SMC3: variants seen among roughly 807,000 people sequenced by gnomAD.
SMC3 encodes structural maintenance of chromosomes protein 3.
In SMC3, 20 loss-of-function variants were observed where a neutral mutation model predicts 171.8. That is an observed-to-expected ratio of 0.12 (90% CI 0.08 to 0.17). The LOEUF (loss-of-function observed/expected upper bound fraction) is 0.17, where lower values mean the gene tolerates loss of function less well. Among genes scored for constraint, SMC3 ranks in the 10% least tolerant of loss-of-function variants. The pLI, the probability that SMC3 is intolerant of heterozygous loss-of-function variation, is 1.00. For synonymous variants in SMC3, 464 were observed against 451.1 expected (o/e 1.03, Z -0.36); for missense variants, 543 against 1,420.4 (o/e 0.38, Z 9.93).
chr10:110,575,481 A>G, intron 4 of SMC3, 78 bp downstream of exon 4: 1 of 1,049,836 alleles, frequency 9.5e-7, no homozygotes, highest in East Asian at 2.6e-5. Context: ...TTAAAAAAGC[A>G]TTTGTTCAAG....
chr10:110,601,197 A>C (rs1861381572), intron 23 of SMC3, 67 bp downstream of exon 23: 9 of 1,104,586 alleles, frequency 8.1e-6, no homozygotes, highest in Non-Finnish European at 1.1e-5. Flanking sequence ...TACAGAATGA[A>C]ATGTCCAAAT....
chr10:110,592,411 A>G (rs80208509), intron 17 of SMC3, among the ~76,000 whole-genome samples: 4,907 of 152,278 alleles, frequency 0.032, 243 homozygotes, highest in African/African-American at 0.11. Context: ...GGGTGTCAGC[A>G]GTGCTCTGTT....
chr10:110,596,502 G>A lies in SMC3; in HGVS notation c.2068G>A (p.Gly690Ser), dbSNP rs377463176. ...TGTTAGAAAAGCAGAAGAAGAACTA[G>A]GTGAACTTGAAGCAAAGCTCAATGA... Reference protein sequence around the residue: ...KDVRKAEEELGELEAKLNENL... With the variant: ...KDVRKAEEELSELEAKLNENL... The change falls in exon 19 of 29, where the codon GGT becomes AGT. Residue 690 changes from glycine to serine, a missense_variant. By Grantham distance (56) the Gly-to-Ser change is moderately conservative. Around this residue, in one of 8 missense-constraint regions of SMC3, gnomAD observed 218 missense variants for 509.6 expected, o/e 0.43. Coordinates refer to ENST00000361804, the MANE Select transcript of SMC3 (RefSeq NM_005445.4). 3 of 1,613,892 alleles carry A rather than the reference G, an allele frequency of 1.9e-6. No individual in the cohort carries two copies. The highest frequency in any genetic ancestry group is 2.7e-5 in the African/African-American group (2 of 74,880).
At chr10:110,583,603 T>C (rs1303648875) in intron 11 of SMC3, 55 bp downstream of exon 11, 2 of 1,564,866 alleles carry the variant, frequency 1.3e-6, no homozygotes, top group East Asian at 2.3e-5. Flanking sequence ...GTAGCAACTG[T>C]AGAAGACAGC....
intron 23 of SMC3, 108 bp from the exon 24 acceptor site, chr10:110,601,529 A>C: frequency 3.2e-6 from 4 of 1,245,686 alleles, no homozygotes; most frequent in Non-Finnish European, 4.5e-6. Context: ...AATTTTAAAC[A>C]CAAAACCTAA....
chr10:110,594,205 AT>A (rs550767232), intron 18 of SMC3, among the ~76,000 whole-genome samples: 4 of 131,056 alleles, frequency 3.1e-5, no homozygotes, highest in Admixed American at 7.8e-5. Flanking sequence ...TTTTAAATTT[AT>A]TTTTTTTTTA....
intron 15 of SMC3, 42 bp downstream of exon 15, chr10:110,590,033 T>C: frequency 6.5e-7 from 1 of 1,528,144 alleles, no homozygotes; most frequent in South Asian, 1.1e-5. Flanking sequence ...CACTGAGTCA[T>C]TGAGTTAATC....
chr10:110,574,256 A>G (rs1590549763), intron 3 of SMC3, among the ~76,000 whole-genome samples: 1 of 152,242 alleles, frequency 6.6e-6, no homozygotes, highest in Non-Finnish European at 1.5e-5. Context: ...TTGAAACTGA[A>G]CAGACTGTTG....
chr10:110,577,927 C>CT lies in SMC3; in HGVS notation c.350+21dup, dbSNP rs200378516. ...AGAAGATGGTCACGTAAGCATTTTT[C>CT]TTTTTTTTAAAAAAACTGAATATGT... is the stretch of plus-strand genomic sequence containing the variant. On this transcript the variant is annotated intron_variant, in intron 6 of 28. Coordinates refer to ENST00000361804, the MANE Select transcript of SMC3 (RefSeq NM_005445.4). The CT allele has an allele frequency of 5.5e-5, 87 of 1,580,572 alleles. No individual in the cohort carries two copies. The highest frequency in any genetic ancestry group is 3.6e-4 in the African/African-American group (27 of 74,302).
intron 2 of SMC3, among the ~76,000 whole-genome samples, chr10:110,569,374 T>C (rs1412123892): frequency 1.3e-5 from 2 of 152,042 alleles, no homozygotes; most frequent in Admixed American, 1.3e-4. Flanking sequence ...GATGCCAGGA[T>C]TCCCCCCCCA....
chr10:110,588,049 GA>G (rs1324100676), intron 13 of SMC3, among the ~76,000 whole-genome samples: 2 of 152,154 alleles, frequency 1.3e-5, no homozygotes, highest in Non-Finnish European at 2.9e-5. Context: ...GGAGTGCAGT[GA>G]CACAATCTCA....
chr10:110,578,788 GTGGTTAAGCTGA>G (rs1860992328), intron 7 of SMC3, 82 bp downstream of exon 7: 1 of 1,129,200 alleles, frequency 8.9e-7, no homozygotes, highest in East Asian at 2.5e-5. Flanking sequence ...ATTGATTTGA[GTGGTTAAGCTGA>G]AGCAAAAATG....
intron 17 of SMC3, among the ~76,000 whole-genome samples, chr10:110,591,751 T>C (rs1297365299): frequency 6.6e-6 from 1 of 152,180 alleles, no homozygotes; most frequent in Non-Finnish European, 1.5e-5. Context: ...TACCATCCTC[T>C]GAAGTTAAAG....
At position 110,602,806 on chromosome 10, in the gene SMC3, A is replaced by C; in HGVS notation, c.3298-19A>C. 3 of 1,609,250 alleles carry C rather than the reference A, an allele frequency of 1.9e-6. No homozygotes were observed. The highest frequency in any genetic ancestry group is 1.3e-5 in the African/African-American group (1 of 74,940). ...ATTCTGCCCTTTAGGATATTAACTC[A>C]TAATATGTTTATTTTTAGGTGTCAT... is the stretch of plus-strand genomic sequence containing the variant. On this transcript the variant is annotated intron_variant, in intron 26 of 28. Transcript: ENST00000361804.
intron 3 of SMC3, 99 bp downstream of exon 3, chr10:110,573,844 C>A: frequency 1.2e-6 from 1 of 860,836 alleles, no homozygotes; most frequent in Non-Finnish European, 2.0e-6. Context: ...ATTCATGAAA[C>A]CCAAGAAATA....
intron 17 of SMC3, among the ~76,000 whole-genome samples, chr10:110,592,772 G>A (rs1412959925): frequency 6.6e-6 from 1 of 152,160 alleles, no homozygotes. Context: ...TAAGCAACTT[G>A]TCCACAGTAC....
chr10:110,571,574 C>A (rs1483153860), intron 2 of SMC3, among the ~76,000 whole-genome samples: 2 of 152,128 alleles, frequency 1.3e-5, no homozygotes, highest in African/African-American at 4.8e-5. Context: ...GTTATAGCCT[C>A]CTTTCCATGT....
intron 18 of SMC3, among the ~76,000 whole-genome samples, chr10:110,593,923 G>A (rs1246576417): frequency 1.3e-5 from 2 of 152,146 alleles, no homozygotes; most frequent in Non-Finnish European, 2.9e-5. Flanking sequence ...GGGAGGCAGA[G>A]GGTGCAGTGA....
At chr10:110,570,342 T>C (rs1158359215) in intron 2 of SMC3, among the ~76,000 whole-genome samples, 1 of 152,230 alleles carries the variant, frequency 6.6e-6, no homozygotes, top group Non-Finnish European at 1.5e-5. Context: ...TCATACTTCA[T>C]TTTGTATAAA....
Sources: gnomAD v4.1 joint callset for allele counts (sites outside exome capture counted in the v4.1 genomes callset) on GRCh38, gnomAD v4.1.1 for gene constraint, gnomAD v4.1.1 regional missense constraint, MANE v1.5 for transcripts, NCBI Gene and HGNC (gene_info 2026-07-23, HGNC 2026-07-21) for gene names.